DDX31: variants seen among roughly 807,000 people sequenced by gnomAD.
DDX31 encodes ATP-dependent DNA helicase DDX31.
In DDX31, 70 loss-of-function variants were observed where a neutral mutation model predicts 91.3. The ratio of observed to expected loss-of-function variants is 0.77; its 90% CI spans 0.63 to 0.94. The LOEUF (loss-of-function observed/expected upper bound fraction) is 0.94, where lower values mean the gene tolerates loss of function less well. Ranked by LOEUF, DDX31 falls within the 40% of genes least tolerant of loss-of-function variation. DDX31 has a pLI of 0.00. For missense variants in DDX31, 902 were observed against 925.0 expected (o/e 0.98, Z 0.32); for synonymous variants, 362 against 350.6 (o/e 1.03, Z -0.36).
intron 17 of DDX31, among the ~76,000 whole-genome samples, chr9:132,623,239 C>T (rs996184714): frequency 3.3e-5 from 5 of 151,688 alleles, no homozygotes; most frequent in African/African-American, 7.3e-5. Context: ...CTCAACTTTA[C>T]GTGCGAAGAA....
At position 132,648,494 on chromosome 9, in the gene DDX31, T is replaced by C. The variant is rs1483749662; in HGVS notation, c.798A>G (p.Ile266Met). The C allele has an allele frequency of 4.3e-6, 7 of 1,614,102 alleles. No homozygotes were observed. Among genetic ancestry groups the C allele is most frequent in the Non-Finnish European group, 5.9e-6 (7 of 1,180,008 alleles). The part of the protein sequence containing the change: ...ISTPGRLVDH[I>M]KSTKNIHFSR... ...TAAAATGAATGTTCTTTGTGGATTT[T>C]ATATGATCCACCAGGCGTCCAGGAG... is the stretch of plus-strand genomic sequence containing the variant. Residue 266 changes from isoleucine (I) to methionine (M), a missense_variant, in exon 10 of 20, where the codon ATA becomes ATG. Ile to Met is a conservative substitution (Grantham distance 10). Transcript: ENST00000372159.
intron 19 of DDX31, among the ~76,000 whole-genome samples, chr9:132,597,200 C>T (rs997877204): frequency 2.6e-5 from 4 of 152,160 alleles, no homozygotes; most frequent in African/African-American, 9.7e-5. Flanking sequence ...CTAAGAGCAG[C>T]GAGTCTCATC....
chr9:132,609,057 TG>T (rs1411211721), intron 19 of DDX31, among the ~76,000 whole-genome samples: 1 of 151,316 alleles, frequency 6.6e-6, no homozygotes, highest in Non-Finnish European at 1.5e-5. Flanking sequence ...AAGGCAGGGG[TG>T]GGGGGAGGAT....
intron 18 of DDX31, among the ~76,000 whole-genome samples, chr9:132,616,067 A>G (rs1019436367): frequency 2.0e-5 from 3 of 152,208 alleles, no homozygotes; most frequent in African/African-American, 7.2e-5. Context: ...GGCTGTTCCT[A>G]TGCAGTAAAT....
At position 132,669,930 on chromosome 9, in the gene DDX31, G is replaced by C. The variant is rs565178151; in HGVS notation, c.5C>G (p.Ala2Gly). M[A>G]AADGSLFDNP... ...GTCGAAGAGCGAACCGTCGGCGGCT[G>C]CCATGGTCTGCGTGGGTGACGCGTG... The change falls in exon 1 of 20, where the codon GCA becomes GGA. Residue 2 changes from alanine (A) to glycine (G), a missense_variant. Transcript: ENST00000372159. 1.9e-6 allele frequency: 3 copies of C among 1,591,120 alleles called. No homozygotes were observed. The highest frequency in any genetic ancestry group is 2.6e-6 in the Non-Finnish European group (3 of 1,169,880).
At position 132,612,095 on chromosome 9, in the gene DDX31, G is replaced by A. The variant is rs147506196; in HGVS notation, c.1986C>T (p.His662=). The A allele has an allele frequency of 5.7e-3, 9,143 of 1,613,438 alleles. 31 individuals carry two copies. The highest frequency in any genetic ancestry group is 7.1e-3 in the Non-Finnish European group (8,331 of 1,179,402). ...SALTRKKRKA[H]VKRPDLHKKT... is the part of the protein sequence containing the mutation. ...AATTCAGCTCATCTTACCTTTTCAC[G>A]TGTGCTTTCCTCTTCTTTCTAGTCA... Residue 662 remains histidine, a synonymous_variant, in exon 19 of 20, where the codon CAC becomes CAT. Coordinates refer to ENST00000372159, the MANE Select transcript of DDX31 (RefSeq NM_022779.9).
chr9:132,666,792 C>T (rs1835341545), intron 1 of DDX31, among the ~76,000 whole-genome samples: 1 of 151,072 alleles, frequency 6.6e-6, no homozygotes, highest in South Asian at 2.1e-4. Flanking sequence ...CTGCAAGCTC[C>T]GCCTCCTGGG....
chr9:132,623,568 A>AT (rs1832192228), intron 17 of DDX31, among the ~76,000 whole-genome samples: 1 of 149,584 alleles, frequency 6.7e-6, no homozygotes. Flanking sequence ...AAAAAAAAAA[A>AT]GAAAAAAAAA....
intron 4 of DDX31, among the ~76,000 whole-genome samples, chr9:132,660,250 G>A (rs1486060548): frequency 6.6e-6 from 1 of 150,958 alleles, no homozygotes; most frequent in African/African-American, 2.4e-5. Flanking sequence ...CAGGAGAATC[G>A]CTTGAACCTG....
chr9:132,612,892 G>C (rs1486658190), intron 18 of DDX31, among the ~76,000 whole-genome samples: 1 of 152,040 alleles, frequency 6.6e-6, no homozygotes, highest in African/African-American at 2.4e-5. Flanking sequence ...CCAGTTTTTT[G>C]TGTACTCACT....
At chr9:132,634,156 T>C (rs1159561099) in intron 14 of DDX31, among the ~76,000 whole-genome samples, 2 of 152,214 alleles carry the variant, frequency 1.3e-5, no homozygotes, top group African/African-American at 2.4e-5. Flanking sequence ...CAGAGGGATC[T>C]AGGGGGATTT....
intron 14 of DDX31, among the ~76,000 whole-genome samples, chr9:132,633,906 C>T (rs1832941707): frequency 6.6e-6 from 1 of 152,192 alleles, no homozygotes; most frequent in African/African-American, 2.4e-5. Flanking sequence ...CTAATCAAGT[C>T]TCTAGATCCA....
intron 18 of DDX31, among the ~76,000 whole-genome samples, chr9:132,613,944 C>G (rs1414677586): frequency 6.6e-6 from 1 of 152,206 alleles, no homozygotes; most frequent in Non-Finnish European, 1.5e-5. Flanking sequence ...ATCCCTGTCA[C>G]TGCTCTCTTC....
chr9:132,639,976 C>T (rs1335938822), intron 14 of DDX31, among the ~76,000 whole-genome samples: 1 of 152,212 alleles, frequency 6.6e-6, no homozygotes, highest in Non-Finnish European at 1.5e-5. Flanking sequence ...GAAAAACACA[C>T]ACACTGGTAG....
chr9:132,657,530 G>C (rs1834645900), intron 6 of DDX31, among the ~76,000 whole-genome samples: 1 of 152,086 alleles, frequency 6.6e-6, no homozygotes, highest in Admixed American at 6.5e-5. Flanking sequence ...TAATTTATTT[G>C]TATCAGTTTG....
chr9:132,648,342 G>A (rs917057146), intron 10 of DDX31, 47 bp from the exon 11 acceptor site: 7 of 1,606,502 alleles, frequency 4.4e-6, no homozygotes, highest in Non-Finnish European at 5.9e-6. Flanking sequence ...ATGAAGAGCA[G>A]ATGTGGTCTA....
intron 19 of DDX31, among the ~76,000 whole-genome samples, chr9:132,610,284 C>G (rs1249180055): frequency 6.6e-6 from 1 of 152,202 alleles, no homozygotes; most frequent in African/African-American, 2.4e-5. Context: ...GCTCTGCACT[C>G]CTGAACCTCA....
chr9:132,620,573 T>C (rs1424547023), intron 17 of DDX31, among the ~76,000 whole-genome samples: 4 of 150,978 alleles, frequency 2.6e-5, no homozygotes, highest in Non-Finnish European at 5.9e-5. Flanking sequence ...CAGAAAAAAA[T>C]ATATACAATA....
intron 4 of DDX31, 106 bp downstream of exon 4, chr9:132,661,102 G>A (rs76658750): frequency 0.02 from 18,624 of 933,872 alleles, 432 homozygotes; most frequent in South Asian, 0.083. Flanking sequence ...ACCTGGCACT[G>A]TGTTCCAACG....
Sources: allele counts gnomAD v4.1 joint callset (sites outside exome capture counted in the v4.1 genomes callset), GRCh38; gene constraint gnomAD v4.1.1; transcripts MANE v1.5; gene names NCBI Gene and HGNC (gene_info 2026-07-23, HGNC 2026-07-21).